Variants in HVCN1 observed in about 807,000 individuals in gnomAD.
The protein encoded by HVCN1 is voltage-gated hydrogen channel 1.
Under a neutral mutation model 29.2 loss-of-function variants are expected in HVCN1, and 14 were observed. The ratio of observed to expected loss-of-function variants is 0.48; its 90% confidence interval spans 0.32 to 0.75. The LOEUF is 0.75. Among genes scored for constraint, HVCN1 ranks in the 30% least tolerant of loss-of-function variants. HVCN1 has a pLI of 0.04. For missense variants in HVCN1, 263 were observed against 341.8 expected (o/e 0.77, Z 1.82); for synonymous variants, 131 against 133.2 (o/e 0.98, Z 0.11).
chr12:110,687,266 C>CCG, intron 2 of HVCN1, among the ~76,000 whole-genome samples: 1 of 150,542 alleles, frequency 6.6e-6, no homozygotes, highest in African/African-American at 2.4e-5. Flanking sequence ...CACCCCCCCC[C>CCG]CCCAGCTAAG....
At chr12:110,702,360 G>C (rs1360747778) in exon 2 of HVCN1, 3 of 152,172 alleles carry the variant, frequency 2.0e-5, no homozygotes, top group African/African-American at 7.2e-5. Context: ...CAGGAAGTTA[G>C]ATGCTTGCAA....
chr12:110,698,381 T>C (rs2069525010), intron 2 of HVCN1, among the ~76,000 whole-genome samples: 1 of 152,184 alleles, frequency 6.6e-6, no homozygotes, highest in South Asian at 2.1e-4. Flanking sequence ...TAACTCACTT[T>C]AGTGAGCAGA....
upstream of HVCN1, among the ~76,000 whole-genome samples, chr12:110,692,940 A>C (rs2069434284): frequency 6.6e-6 from 1 of 152,172 alleles, no homozygotes; most frequent in Admixed American, 6.5e-5. Flanking sequence ...AGCACAGCTC[A>C]CTGCAGCCTC....
At position 110,655,260 on chromosome 12, in the gene HVCN1, G is replaced by C; in HGVS notation, c.385C>G (p.Pro129Ala). The change falls in exon 5 of 8, where the codon CCC (proline) becomes GCC (alanine). Residue 129 changes from proline to alanine, a missense_variant. This residue lies in a region of HVCN1 where 157 missense variants were observed against 181.3 expected (regional missense o/e 0.87). Coordinates refer to ENST00000242607, the MANE Select transcript of HVCN1 (RefSeq NM_032369.4). ...ELILDLKIIQ[P>A]DKNNYAAMVF... is the part of the protein sequence containing the mutation. ...ATGGCAGCATAGTTATTCTTGTCGG[G>C]CTGGATGATCTTCAGGTCCAGGATG... is the stretch of plus-strand genomic sequence containing the variant. 6.2e-7 allele frequency: 1 copy of C among 1,613,594 alleles called. No individual in the cohort carries two copies.
At chr12:110,682,670 A>G (rs978911162) in intron 3 of HVCN1, 1 of 157,898 alleles carries the variant, frequency 6.3e-6, no homozygotes, top group African/African-American at 2.4e-5. Flanking sequence ...TCTTTTCACT[A>G]TTTTCCAGAT....
chr12:110,659,830 G>A (rs1414991067), intron 4 of HVCN1, among the ~76,000 whole-genome samples: 1 of 152,212 alleles, frequency 6.6e-6, no homozygotes, highest in African/African-American at 2.4e-5. Context: ...CACTTTGGGA[G>A]GCTGACACGG....
Position 110,676,988 on chromosome 12 carries a change from G to A in HVCN1, c.21+6237C>T, listed in dbSNP as rs1196130318. On this transcript the variant is annotated intron_variant, in intron 3 of 7. Transcript: ENST00000242607. The surrounding 1 kb of genome is among the most constrained non-coding windows in gnomAD (Gnocchi z 4.1). ...CTTTGGGAGGCTGAGGGGGATCACT[G>A]AGTTCAGGAGTTCAAGACCAGCCTG... Among the ~76,000 whole-genome samples the A allele has an allele frequency of 1.3e-5, 2 of 151,998 alleles. No homozygotes were observed. Among genetic ancestry groups the A allele is most frequent in the East Asian group, 1.9e-4 (1 of 5,176 alleles).
In HVCN1 at chr12:110,679,478, C is replaced by T. The variant is rs74432416; in HGVS notation, c.21+3747G>A. On this transcript the variant is annotated intron_variant, in intron 3 of 7. Transcript: ENST00000242607. ...TAAATGCAGGCTCGAGCCAGGCACC[C>T]GGCTAAGTGTTTTCCGCACGCAATC... Among the ~76,000 whole-genome samples, 868 of 152,302 alleles carry T rather than the reference C, an allele frequency of 5.7e-3. 6 individuals are homozygous for T. Among genetic ancestry groups the T allele is most frequent in the African/African-American group, 0.019 (809 of 41,568 alleles).
intron 5 of HVCN1, among the ~76,000 whole-genome samples, chr12:110,653,897 G>C (rs1278147582): frequency 3.9e-5 from 6 of 152,130 alleles, no homozygotes; most frequent in Non-Finnish European, 8.8e-5. Flanking sequence ...TGGGACTATT[G>C]ATCTTATTTT....
chr12:110,703,207 C>CAAAAA, intron 1 of HVCN1, among the ~76,000 whole-genome samples: 1 of 98,758 alleles, frequency 1.0e-5, no homozygotes, highest in South Asian at 3.6e-4. Context: ...ATGTCTCTAC[C>CAAAAA]AAAAAAAAAA....
chr12:110,668,221 C>G (rs973647722), intron 3 of HVCN1, among the ~76,000 whole-genome samples: 2 of 152,076 alleles, frequency 1.3e-5, no homozygotes, highest in African/African-American at 2.4e-5. Flanking sequence ...CAAAAACTCA[C>G]CTGGGCATGG....
intron 3 of HVCN1, among the ~76,000 whole-genome samples, chr12:110,674,220 C>T (rs921646333): frequency 6.6e-6 from 1 of 152,204 alleles, no homozygotes; most frequent in African/African-American, 2.4e-5. Context: ...TTCAGACTTG[C>T]AGGGACCCTG....
At chr12:110,704,947 A>G (rs1463970807) in exon 1 of HVCN1, 1 of 152,232 alleles carries the variant, frequency 6.6e-6, no homozygotes, top group Non-Finnish European at 1.5e-5. Context: ...GCTGGGAAAG[A>G]AGCTTGTTAC....
chr12:110,691,801 C>T (rs2069410944), upstream of HVCN1, among the ~76,000 whole-genome samples: 1 of 152,210 alleles, frequency 6.6e-6, no homozygotes, highest in African/African-American at 2.4e-5. Context: ...CCTACAGAGG[C>T]ATCGCTCAGT....
chr12:110,678,412 G>A (rs1386543725), intron 3 of HVCN1, among the ~76,000 whole-genome samples: 2 of 147,758 alleles, frequency 1.4e-5, no homozygotes, highest in Non-Finnish European at 3.0e-5. Context: ...TATGTGAGGC[G>A]CTCTTATTTT....
chr12:110,697,732 C>A (rs557944644), intron 2 of HVCN1, among the ~76,000 whole-genome samples: 2 of 150,740 alleles, frequency 1.3e-5, no homozygotes, highest in East Asian at 2.0e-4. Context: ...CTCACTGCAA[C>A]CTCCGTCTCC....
intron 3 of HVCN1, among the ~76,000 whole-genome samples, chr12:110,662,884 A>G (rs1468221463): frequency 6.6e-6 from 1 of 152,234 alleles, no homozygotes; most frequent in African/African-American, 2.4e-5. Flanking sequence ...ACCAGAATAT[A>G]TAAAGAAATC....
chr12:110,649,644 G>C (rs1190209801), intron 7 of HVCN1, among the ~76,000 whole-genome samples, 169 bp from the exon 8 acceptor site: 2 of 152,124 alleles, frequency 1.3e-5, no homozygotes, highest in Non-Finnish European at 2.9e-5. Flanking sequence ...AGGCTTCACT[G>C]AGCAGCAGTG....
intron 2 of HVCN1, 189 bp downstream of exon 2, chr12:110,688,436 G>A (rs1283302841): frequency 6.6e-6 from 1 of 152,386 alleles, no homozygotes; most frequent in Non-Finnish European, 1.5e-5. Context: ...CAACAGGTGG[G>A]TGCTTTTAAA....
Sources: allele counts gnomAD v4.1 joint callset (sites outside exome capture counted in the v4.1 genomes callset), GRCh38; gene constraint gnomAD v4.1.1; regional missense constraint gnomAD v4.1.1; non-coding constraint Gnocchi (gnomAD v3.1); transcripts MANE v1.5; gene names NCBI Gene and HGNC (gene_info 2026-07-23, HGNC 2026-07-21).